PDLIM7: variants seen among roughly 807,000 people sequenced by gnomAD.
PDLIM7 encodes PDZ and LIM domain protein 7.
In PDLIM7, 37 loss-of-function variants were observed where a neutral mutation model predicts 53.9. The ratio of observed to expected loss-of-function variants is 0.69; its 90% CI spans 0.53 to 0.90. PDLIM7 has a LOEUF of 0.90. Ranked by LOEUF, PDLIM7 falls within the 40% of genes least tolerant of loss-of-function variation. The pLI is 0.00. For missense variants in PDLIM7, 617 were observed against 638.5 expected (o/e 0.97, Z 0.36); for synonymous variants, 300 against 261.3 (o/e 1.15, Z -1.43).
In PDLIM7 at chr5:177,491,155, AG is replaced by A. The variant is rs1758759964; in HGVS notation, c.399-10del. On this transcript the variant is annotated splice_polypyrimidine_tract_variant and intron_variant, in intron 5 of 12. Transcript: ENST00000355841. ...GCGGTCGGAGCGGCTGTCTGTGGGG[AG>A]GGTGTGGCTCAGAACCCCACACTGG... is the stretch of plus-strand genomic sequence containing the variant. The A allele has an allele frequency of 1.7e-6, 2 of 1,208,072 alleles. No homozygotes were observed. The highest frequency in any genetic ancestry group is 4.6e-5 in the Admixed American group (2 of 43,540). The allele number at this position is 1,208,072 out of a possible 1,614,324, so 74.8% of individuals were successfully genotyped here.
chr5:177,491,906 T>G lies in PDLIM7; in HGVS notation c.299A>C (p.Asp100Ala). 9.5e-7 allele frequency: 1 copy of G among 1,056,240 alleles called. No individual in the cohort carries two copies. The allele number at this position is 1,056,240 out of a possible 1,614,324, so 65.4% of individuals were successfully genotyped here. A position where few individuals can be genotyped will look rare whatever the true frequency, so the allele number is the denominator to read the frequency against. Residue 100 changes from aspartate to alanine, a missense_variant, in exon 5 of 13, where the codon GAC becomes GCC. Physicochemically the swap from Asp to Ala is moderately radical, Grantham distance 126. Coordinates refer to ENST00000355841, the MANE Select transcript of PDLIM7 (RefSeq NM_005451.5). The part of the protein sequence containing the change: ...KPQKASAPAA[D>A]PPRYTFAPSV... ...GGGTGCAAAGGTGTACCGCGGAGGG[T>G]CCGCGGCGGGGGCGGAGGCCTGGGC... is the stretch of plus-strand genomic sequence containing the variant.
chr5:177,486,843 G>T (rs1758480078), intron 10 of PDLIM7, among the ~76,000 whole-genome samples: 1 of 150,648 alleles, frequency 6.6e-6, no homozygotes, highest in Admixed American at 6.6e-5. Context: ...GTGTTAGCCA[G>T]GATGGTCTCA....
intron 10 of PDLIM7, among the ~76,000 whole-genome samples, chr5:177,485,207 AT>A (rs1181057846): frequency 6.6e-6 from 1 of 152,234 alleles, no homozygotes; most frequent in Non-Finnish European, 1.5e-5. Context: ...GGCAGGAAGC[AT>A]CAACTGTTTT....
intron 10 of PDLIM7, among the ~76,000 whole-genome samples, chr5:177,486,679 C>A (rs1758462105): frequency 6.6e-6 from 1 of 152,112 alleles, no homozygotes; most frequent in Non-Finnish European, 1.5e-5. Context: ...CGCTCTGTCG[C>A]CCAGGCTGGA....
At chr5:177,487,540 G>A (rs1467452498) in intron 10 of PDLIM7, among the ~76,000 whole-genome samples, 1 of 152,250 alleles carries the variant, frequency 6.6e-6, no homozygotes, top group Admixed American at 6.5e-5. Flanking sequence ...AAGCAACAAG[G>A]CGGAGCCTGG....
rs142108747 is a variant in PDLIM7, at chr5:177,488,219, G to C, written c.899C>G (p.Ala300Gly). The change falls in exon 10 of 13, where the codon GCG becomes GGG. Residue 300 changes from alanine to glycine, a missense_variant. Ala to Gly is a moderately conservative substitution (Grantham distance 60, BLOSUM62 0). Coordinates refer to ENST00000355841, the MANE Select transcript of PDLIM7 (RefSeq NM_005451.5). ...RGRYLVALGH[A>G]YHPEEFVCSQ... ...ACACACAAACTCCTCCGGGTGGTAC[G>C]CGTGGCCCAGCGCCACCAGGTAGCG... 1 of 1,609,430 alleles carries C rather than the reference G, an allele frequency of 6.2e-7. No individual in the cohort carries two copies. The highest frequency in any genetic ancestry group is 8.5e-7 in the Non-Finnish European group (1 of 1,177,822).
chr5:177,497,161 G>A lies in PDLIM7; in HGVS notation c.-12+367C>T, dbSNP rs558265343. Among the ~76,000 whole-genome samples, 9 of 152,124 alleles carry A rather than the reference G, an allele frequency of 5.9e-5. No individual in the cohort carries two copies. The South Asian group carries it at 1.9e-3, about 32-fold the overall frequency. ...AAGGCGGGAGTGGGGTGCGGCCCCTGTGGAGACAGATGGGGGCTGGGACCC... is the reference window on the plus strand; with the variant it reads ...AAGGCGGGAGTGGGGTGCGGCCCCTATGGAGACAGATGGGGGCTGGGACCC... On this transcript the variant is annotated intron_variant, in intron 1 of 12. Transcript: ENST00000355841.
chr5:177,491,918 G>A lies in PDLIM7; in HGVS notation c.287C>T (p.Ala96Val). The part of the protein sequence containing the change: ...PVQSKPQKAS[A>V]PAADPPRYTF... ...GTACCGCGGAGGGTCCGCGGCGGGG[G>A]CGGAGGCCTGGGCAGAGACACAGCC... Residue 96 changes from alanine (A) to valine (V), a missense_variant, in exon 5 of 13, where the codon GCC becomes GTC. By Grantham distance (64) the Ala-to-Val change is moderately conservative (BLOSUM62 0). Transcript: ENST00000355841. 5 of 1,278,254 alleles carry A rather than the reference G, an allele frequency of 3.9e-6. No homozygotes were observed. Among genetic ancestry groups the A allele is most frequent in the Non-Finnish European group, 4.0e-6 (4 of 1,005,214 alleles). 79.2% of individuals were successfully genotyped at this position (1,278,254 alleles called of 1,614,324 possible). A position where few individuals can be genotyped will look rare whatever the true frequency, so the allele number is the denominator to read the frequency against.
chr5:177,490,544 C>A, intron 7 of PDLIM7: 1 of 1,567,646 alleles, frequency 6.4e-7, no homozygotes, highest in Non-Finnish European at 8.6e-7. Context: ...TGGTGCCAGT[C>A]CCGGAGGCGG....
intron 7 of PDLIM7, chr5:177,490,455 A>G: frequency 1.3e-6 from 2 of 1,539,072 alleles, no homozygotes; most frequent in Middle Eastern, 2.3e-4. Flanking sequence ...GGAGGAACAG[A>G]AAGAGGGAGG....
intron 4 of PDLIM7, 136 bp from the exon 5 acceptor site, chr5:177,492,061 G>C (rs1399656325): frequency 9.2e-6 from 4 of 435,354 alleles, no homozygotes; most frequent in African/African-American, 8.3e-5. Context: ...TCTATTTGGA[G>C]GCTACGGGGA....
At position 177,488,167 on chromosome 5, in the gene PDLIM7, C is replaced by T; in HGVS notation, c.951G>A (p.Glu317=). The part of the protein sequence containing the change: ...VCSQCGKVLE[E]GGFFEEKGAI... The stretch of plus-strand genomic sequence containing the variant: ...CGCCCTTCTCCTCAAAGAAGCCACC[C>T]TCTTCCAGGACCTTCCCACACTGGC... The change falls in exon 10 of 13, where the codon GAG becomes GAA. Residue 317 remains glutamate (E), a synonymous_variant. Coordinates refer to ENST00000355841, the MANE Select transcript of PDLIM7 (RefSeq NM_005451.5). 6.2e-7 allele frequency: 1 copy of T among 1,613,546 alleles called. No individual in the cohort carries two copies. Among genetic ancestry groups the T allele is most frequent in the Non-Finnish European group, 8.5e-7 (1 of 1,179,964 alleles).
intron 7 of PDLIM7, 117 bp downstream of exon 7, chr5:177,490,743 AAGGAAGGAAG>A: frequency 1.1e-6 from 1 of 890,108 alleles, no homozygotes; most frequent in East Asian, 2.6e-5. Flanking sequence ...GGAAGGAAGG[AAGGAAGGAAG>A]GAAGGAAGGA....
intron 2 of PDLIM7, 114 bp from the exon 3 acceptor site, chr5:177,492,791 T>C: frequency 5.9e-6 from 7 of 1,187,878 alleles, no homozygotes; most frequent in Non-Finnish European, 8.4e-6. Context: ...CCCAGAGAGC[T>C]CTTCATTCAA....
At chr5:177,496,566 G>C in intron 1 of PDLIM7, 43 bp from the exon 2 acceptor site, 1 of 1,400,522 alleles carries the variant, frequency 7.1e-7, no homozygotes, top group Non-Finnish European at 9.7e-7. Context: ...CATGGTGGGC[G>C]GGCAGGCAGG....
chr5:177,489,596 C>A lies in PDLIM7; in HGVS notation c.666G>T (p.Pro222=). The A allele has an allele frequency of 6.2e-7, 1 of 1,605,758 alleles. No individual in the cohort carries two copies. Among genetic ancestry groups the A allele is most frequent in the Non-Finnish European group, 8.5e-7 (1 of 1,177,058 alleles). The change falls in exon 9 of 13, where the codon CCG becomes CCT. Residue 222 remains proline, a synonymous_variant. Transcript: ENST00000355841. ...GPTAPSPTSR[P]PWAVDPAFAE... ...CAAACGCAGGGTCCACAGCCCAGGGCGGGCGGCTGGTAGGGCTGGGGGCGG... is the reference window on the plus strand; with the variant it reads ...CAAACGCAGGGTCCACAGCCCAGGGAGGGCGGCTGGTAGGGCTGGGGGCGG...
intron 2 of PDLIM7, among the ~76,000 whole-genome samples, chr5:177,495,955 G>A (rs189438425): frequency 6.6e-6 from 1 of 152,128 alleles, no homozygotes; most frequent in Admixed American, 6.5e-5. Context: ...GACTCGATGA[G>A]CGAGCCCCGC....
intron 7 of PDLIM7, chr5:177,490,148 A>C (rs1412392591): frequency 1.4e-6 from 2 of 1,477,890 alleles, no homozygotes; most frequent in East Asian, 2.5e-5. Flanking sequence ...CTCCCACTGA[A>C]AACGAGGACG....
Position 177,489,393 on chromosome 5 carries a change from CG to C in PDLIM7, c.868del (p.Arg290GlyfsTer67). On this transcript the variant is annotated frameshift_variant and splice_region_variant, in exon 9 of 13. Transcript: ENST00000355841. LOFTEE classifies it high-confidence loss of function. ...GGTCGGACAGGAACAGGCCACCCAC[CG>C]GATGACCTTGTGGCACTGGTGACAC... ...PVCHQCHKVI[R>X]GRYLVALGHA... The C allele has an allele frequency of 6.4e-7, 1 of 1,566,816 alleles. No individual in the cohort carries two copies.
Sources: gnomAD v4.1 joint callset for allele counts (sites outside exome capture counted in the v4.1 genomes callset) on GRCh38, gnomAD v4.1.1 for gene constraint, MANE v1.5 for transcripts, NCBI Gene and HGNC (gene_info 2026-07-23, HGNC 2026-07-21) for gene names.